Variants in CCDC12 observed in about 807,000 individuals in gnomAD.
The protein encoded by CCDC12 is coiled-coil domain containing 12.
In CCDC12, 28 loss-of-function variants were observed where a neutral mutation model predicts 25.7. The observed-to-expected ratio is 1.09, with a 90% CI of 0.81 to 1.50. The LOEUF (loss-of-function observed/expected upper bound fraction) is 1.50. Among genes scored for constraint, CCDC12 ranks in the 40% most tolerant of loss-of-function variants. The pLI is 0.00. For missense variants in CCDC12, 198 were observed against 210.0 expected (o/e 0.94, Z 0.35); for synonymous variants, 75 against 87.7 (o/e 0.86, Z 0.81).
chr3:46,921,985 A>C lies in CCDC12; in HGVS notation c.*72T>G. On this transcript the variant is annotated 3_prime_UTR_variant, in exon 7 of 7. Transcript: ENST00000683445. ...CCAAACTGGAGGTGATGGCAAGCCT[A>C]GCCCCCATCCCTGCCCAAGACCATC... The C allele has an allele frequency of 6.6e-7, 1 of 1,526,074 alleles. No individual in the cohort carries two copies. The highest frequency in any genetic ancestry group is 9.0e-7 in the Non-Finnish European group (1 of 1,105,722). 94.5% of individuals were successfully genotyped at this position (1,526,074 alleles called of 1,614,324 possible).
chr3:46,924,706 G>A (rs2032861787), intron 3 of CCDC12, among the ~76,000 whole-genome samples: 1 of 152,126 alleles, frequency 6.6e-6, no homozygotes, highest in Admixed American at 6.5e-5. Flanking sequence ...AAATTAGCCA[G>A]GCGCAGTGGC....
intron 1 of CCDC12, among the ~76,000 whole-genome samples, chr3:46,973,495 C>CAA (rs879353218): frequency 4.1e-5 from 5 of 122,964 alleles, no homozygotes; most frequent in Non-Finnish European, 6.9e-5. Flanking sequence ...AACTCCATCT[C>CAA]AAAAAAAAAA....
chr3:46,970,210 G>A (rs2034763245), intron 1 of CCDC12, among the ~76,000 whole-genome samples: 2 of 151,758 alleles, frequency 1.3e-5, no homozygotes, highest in Admixed American at 6.6e-5. Flanking sequence ...GCAGACCAAG[G>A]CCCAGGACCA....
chr3:46,932,140 A>G (rs2033252434), intron 2 of CCDC12, among the ~76,000 whole-genome samples: 1 of 152,228 alleles, frequency 6.6e-6, no homozygotes, highest in African/African-American at 2.4e-5. Flanking sequence ...TAAAATGTTC[A>G]AACTCCCTGA....
At chr3:46,955,630 C>T (rs1438367119) in intron 1 of CCDC12, among the ~76,000 whole-genome samples, 1 of 152,200 alleles carries the variant, frequency 6.6e-6, no homozygotes, top group Non-Finnish European at 1.5e-5. Context: ...ATGGGCCTGC[C>T]TGATGGGCTA....
rs371392229 is a variant in CCDC12 at position 46,950,495 on chromosome 3, T to TGG, written c.97-9431_97-9430insCC. Reference sequence around the variant, plus strand: ...ACCATGCACAGCTTTTTTTTTTTTTTTGGGGTAGAGACAGGGTCTAACTAT... The same window carrying TGG: ...ACCATGCACAGCTTTTTTTTTTTTTTGGTGGGGTAGAGACAGGGTCTAACTAT... On this transcript the variant is annotated intron_variant, in intron 1 of 6. Transcript: ENST00000683445. Among the ~76,000 whole-genome samples the TGG allele has an allele frequency of 1.2e-3, 127 of 108,340 alleles. 2 individuals carry two copies. Among genetic ancestry groups the TGG allele is most frequent in the East Asian group, 2.1e-3 (9 of 4,208 alleles). The allele number at this position is 108,340 out of a possible 152,430, so 71.1% of individuals were successfully genotyped here.
chr3:46,930,419 G>A (rs557218367), intron 2 of CCDC12, among the ~76,000 whole-genome samples: 1 of 152,338 alleles, frequency 6.6e-6, no homozygotes, highest in Non-Finnish European at 1.5e-5. Flanking sequence ...GGGAAGCAGA[G>A]ACCAAGCCAT....
chr3:46,960,591 T>C (rs1463070096), intron 1 of CCDC12, among the ~76,000 whole-genome samples: 1 of 152,266 alleles, frequency 6.6e-6, no homozygotes, highest in Non-Finnish European at 1.5e-5. Context: ...TGGATGTTAC[T>C]GCCACAGGGC....
intron 1 of CCDC12, among the ~76,000 whole-genome samples, chr3:46,975,618 C>T (rs1429089468): frequency 1.4e-5 from 2 of 148,022 alleles, no homozygotes; most frequent in African/African-American, 5.0e-5. Context: ...GCAAGCTCCG[C>T]CTCCTGGGTT....
At chr3:46,946,686 G>A (rs1159101203) in intron 1 of CCDC12, among the ~76,000 whole-genome samples, 4 of 152,226 alleles carry the variant, frequency 2.6e-5, no homozygotes, top group Non-Finnish European at 5.9e-5. Flanking sequence ...GAGGAACGGG[G>A]AAGACCAGAA....
At chr3:46,936,149 T>C (rs2033432623) in intron 2 of CCDC12, among the ~76,000 whole-genome samples, 1 of 152,192 alleles carries the variant, frequency 6.6e-6, no homozygotes, top group Non-Finnish European at 1.5e-5. Context: ...CTACAGTGTA[T>C]CTGGTTAGAC....
intron 2 of CCDC12, among the ~76,000 whole-genome samples, chr3:46,931,622 A>C (rs2033219660): frequency 9.0e-6 from 1 of 111,140 alleles, no homozygotes; most frequent in African/African-American, 3.0e-5. Flanking sequence ...GGAGGGAGGC[A>C]GAGAGGATAA....
At chr3:46,938,204 A>C (rs1180810756) in intron 2 of CCDC12, among the ~76,000 whole-genome samples, 1 of 152,162 alleles carries the variant, frequency 6.6e-6, no homozygotes, top group East Asian at 1.9e-4. Flanking sequence ...AGAAAAAACA[A>C]AACAGGGCCC....
intron 1 of CCDC12, among the ~76,000 whole-genome samples, chr3:46,969,267 G>A (rs1320900064): frequency 6.6e-6 from 1 of 152,132 alleles, no homozygotes; most frequent in Admixed American, 6.6e-5. Flanking sequence ...ACTAGTGCAT[G>A]CCTTCTACCT....
At chr3:46,922,776 A>G in intron 5 of CCDC12, 2 of 208,408 alleles carry the variant, frequency 9.6e-6, no homozygotes, top group South Asian at 1.7e-4. Context: ...TGTTTCATCA[A>G]ATTAAAACAG....
At chr3:46,975,148 C>T (rs1372872205) in intron 1 of CCDC12, among the ~76,000 whole-genome samples, 2 of 151,976 alleles carry the variant, frequency 1.3e-5, no homozygotes, top group Non-Finnish European at 2.9e-5. Context: ...GCTAGTAGGC[C>T]CATCCCCAAA....
chr3:46,930,951 C>T (rs1330013335), intron 2 of CCDC12, among the ~76,000 whole-genome samples: 1 of 152,242 alleles, frequency 6.6e-6, no homozygotes, highest in Non-Finnish European at 1.5e-5. Context: ...CACCAGGCAG[C>T]TCCAGGAGGG....
At chr3:46,948,162 T>C (rs981550907) in intron 1 of CCDC12, among the ~76,000 whole-genome samples, 1 of 152,136 alleles carries the variant, frequency 6.6e-6, no homozygotes, top group South Asian at 2.1e-4. Context: ...CATTAGGAGA[T>C]GACGTCAGAT....
upstream of CCDC12, chr3:46,976,972 A>AC: frequency 1.7e-6 from 1 of 574,600 alleles, no homozygotes; most frequent in Non-Finnish European, 2.9e-6. Context: ...AAAAAAAAGA[A>AC]AAAAAAAAAA....
Sources: gnomAD v4.1 joint callset for allele counts (sites outside exome capture counted in the v4.1 genomes callset) on GRCh38, gnomAD v4.1.1 for gene constraint, MANE v1.5 for transcripts, NCBI Gene and HGNC (gene_info 2026-07-23, HGNC 2026-07-21) for gene names.